KIF5C: variants seen among roughly 807,000 people sequenced by gnomAD.
KIF5C encodes kinesin heavy chain isoform 5C.
Under a neutral mutation model 125.2 loss-of-function variants are expected in KIF5C, and 18 were observed. The ratio of observed to expected loss-of-function variants is 0.14; its 90% CI spans 0.10 to 0.21. The LOEUF (loss-of-function observed/expected upper bound fraction) is 0.21, where lower values mean the gene tolerates loss of function less well. Among genes scored for constraint, KIF5C ranks in the 10% least tolerant of loss-of-function variants. The probability of loss-of-function intolerance (pLI) is 1.00; values close to 1 mark genes in which losing one functional copy is unlikely to be tolerated. For missense variants in KIF5C, 780 were observed against 1,183.8 expected, an observed-to-expected ratio of 0.66 and a Z score of 5.01; for synonymous variants, 405 against 434.0, an observed-to-expected ratio of 0.93 and a Z score of 0.83.
intron 11 of KIF5C, among the ~76,000 whole-genome samples, chr2:148,971,600 T>A (rs1043662075): frequency 2.0e-5 from 3 of 152,234 alleles, no homozygotes; most frequent in Non-Finnish European, 4.4e-5. Context: ...AGTATAGCAG[T>A]CTTGTTGGAA....
At position 149,000,426 on chromosome 2, in the gene KIF5C, G is replaced by A; in HGVS notation, c.2214G>A (p.Leu738=). The change falls in exon 20 of 26, where the codon TTG becomes TTA. Residue 738 remains leucine, a synonymous_variant. Transcript: ENST00000435030. The part of the protein sequence containing the change: ...KQKIIDEIRD[L]NQKLQLEQEK... The stretch of plus-strand genomic sequence containing the variant: ...TGCTTTTTCCTCTCAATTTCAGTTT[G>A]AATCAGAAACTGCAACTGGAACAGG... The A allele has an allele frequency of 6.3e-7, 1 of 1,579,056 alleles. No individual in the cohort carries two copies.
intron 1 of KIF5C, among the ~76,000 whole-genome samples, chr2:148,896,367 G>A (rs2105051413): frequency 6.6e-6 from 1 of 152,304 alleles, no homozygotes; most frequent in African/African-American, 2.4e-5. Flanking sequence ...GGGAGGAGTG[G>A]ACATTATTGG....
Position 148,994,558 on chromosome 2 carries a change from G to T in KIF5C, c.2023+20G>T. 6.4e-7 allele frequency: 1 copy of T among 1,552,222 alleles called. No individual in the cohort carries two copies. Among genetic ancestry groups the T allele is most frequent in the Non-Finnish European group, 8.7e-7 (1 of 1,147,470 alleles). On this transcript the variant is annotated intron_variant, in intron 17 of 25. Coordinates refer to ENST00000435030, the MANE Select transcript of KIF5C (RefSeq NM_004522.3). The stretch of plus-strand genomic sequence containing the variant: ...CCCAGGGTAAATATTTGACTAACGT[G>T]CAGGTGTCAAACACCTGGCCTGAGT...
intron 1 of KIF5C, among the ~76,000 whole-genome samples, chr2:148,882,184 C>A (rs1473062777): frequency 2.0e-5 from 3 of 152,192 alleles, no homozygotes; most frequent in East Asian, 1.9e-4. Flanking sequence ...GTCAGATAGC[C>A]AGGATGAACT....
intron 1 of KIF5C, among the ~76,000 whole-genome samples, chr2:148,908,574 T>A (rs1274449544): frequency 1.3e-5 from 2 of 152,152 alleles, no homozygotes; most frequent in African/African-American, 2.4e-5. Flanking sequence ...CTTGTGCAAG[T>A]CATGTGGCCA....
In KIF5C at chr2:149,023,769, G is replaced by C. The variant is rs945581483; in HGVS notation, c.*699G>C. On this transcript the variant is annotated 3_prime_UTR_variant, in exon 26 of 26. Transcript: ENST00000435030. The stretch of plus-strand genomic sequence containing the variant: ...GCAAAAAGTCATAAAATTCACCTCC[G>C]AGCTGCTTGCTTTTGAACCTGCAGC... The C allele has an allele frequency of 1.3e-5, 2 of 152,128 alleles. No homozygotes were observed. Among genetic ancestry groups the C allele is most frequent in the African/African-American group, 2.4e-5 (1 of 41,434 alleles). The allele number at this position is 152,128 out of a possible 1,614,324, so 9.4% of individuals were successfully genotyped here. A position where few individuals can be genotyped will look rare whatever the true frequency, so the allele number is the denominator to read the frequency against.
At chr2:148,904,825 G>C (rs1681039947) in intron 1 of KIF5C, among the ~76,000 whole-genome samples, 1 of 152,212 alleles carries the variant, frequency 6.6e-6, no homozygotes, top group Admixed American at 6.5e-5. Flanking sequence ...TATCTTTGTA[G>C]TTGATAATTT....
intron 1 of KIF5C, among the ~76,000 whole-genome samples, chr2:148,894,724 G>A (rs935607605): frequency 6.7e-6 from 1 of 148,990 alleles, no homozygotes; most frequent in East Asian, 1.9e-4. Context: ...ATATATATAG[G>A]GTGGGAGGGA....
intron 21 of KIF5C, among the ~76,000 whole-genome samples, chr2:149,002,409 T>A (rs1193852594): frequency 6.6e-6 from 1 of 152,260 alleles, no homozygotes; most frequent in East Asian, 1.9e-4. Context: ...CGCAGTCAGC[T>A]GCTCACTCTC....
chr2:148,997,331 A>G lies in KIF5C; in HGVS notation c.2091A>G (p.Glu697=). 2 of 1,613,988 alleles carry G rather than the reference A, an allele frequency of 1.2e-6. No homozygotes were observed. Among genetic ancestry groups the G allele is most frequent in the South Asian group, 1.1e-5 (1 of 91,070 alleles). ...KEHLTRLQDA[E]EMKKALEQQM... is the part of the protein sequence containing the mutation. ...ATCTGACGCGGTTGCAGGATGCTGA[A>G]GAAATGAAGGTGTGTGTGGCTGCCC... Residue 697 remains glutamate, a synonymous_variant, in exon 18 of 26, where the codon GAA becomes GAG. Coordinates refer to ENST00000435030, the MANE Select transcript of KIF5C (RefSeq NM_004522.3).
chr2:148,901,028 T>C (rs931621438), intron 1 of KIF5C, among the ~76,000 whole-genome samples: 6 of 152,020 alleles, frequency 3.9e-5, no homozygotes, highest in Non-Finnish European at 7.4e-5. Flanking sequence ...GAAATAAAAA[T>C]GGTGGTTGCT....
chr2:148,941,478 A>T, intron 4 of KIF5C, 132 bp from the exon 5 acceptor site: 1 of 1,260,286 alleles, frequency 7.9e-7, no homozygotes, highest in Non-Finnish European at 1.1e-6. Context: ...GCCAGATTTT[A>T]AGTCTTCACT....
chr2:148,892,688 G>C (rs1056531819), intron 1 of KIF5C, among the ~76,000 whole-genome samples: 1 of 152,164 alleles, frequency 6.6e-6, no homozygotes, highest in Non-Finnish European at 1.5e-5. Context: ...TGAATGTTTA[G>C]ATGTACTATT....
At chr2:148,949,702 C>A in intron 8 of KIF5C, 137 bp from the exon 9 acceptor site, 2 of 1,223,958 alleles carry the variant, frequency 1.6e-6, no homozygotes, top group Non-Finnish European at 2.2e-6. Flanking sequence ...GGTTTTTTAT[C>A]ACTGTGGGTC....
chr2:148,878,925 G>T (rs1681270450), intron 1 of KIF5C: 1 of 152,166 alleles, frequency 6.6e-6, no homozygotes, highest in African/African-American at 2.4e-5. Flanking sequence ...TGAAACTGGG[G>T]TCATTTTTTC....
At chr2:148,875,967 G>C (rs1175786838) in intron 1 of KIF5C, among the ~76,000 whole-genome samples, 1 of 151,656 alleles carries the variant, frequency 6.6e-6, no homozygotes, top group Non-Finnish European at 1.5e-5. Context: ...GGTGGCGGGG[G>C]TGGGGATGGG....
intron 25 of KIF5C, among the ~76,000 whole-genome samples, chr2:149,019,588 A>G (rs773035514): frequency 1.3e-5 from 2 of 152,218 alleles, no homozygotes; most frequent in Non-Finnish European, 2.9e-5. Flanking sequence ...TCTCAGAGTC[A>G]TAAATTCAGA....
intron 1 of KIF5C, among the ~76,000 whole-genome samples, chr2:148,891,206 C>T (rs1475362869): frequency 6.6e-6 from 1 of 152,082 alleles, no homozygotes; most frequent in African/African-American, 2.4e-5. Context: ...GAAAACAATC[C>T]TATAAATGGC....
intron 1 of KIF5C, among the ~76,000 whole-genome samples, chr2:148,889,815 T>C (rs528284135): frequency 6.6e-6 from 1 of 152,260 alleles, no homozygotes; most frequent in East Asian, 1.9e-4. Context: ...CATCATCCTC[T>C]GGGCATCACT....
Sources: gnomAD v4.1 joint callset for allele counts (sites outside exome capture counted in the v4.1 genomes callset) on GRCh38, gnomAD v4.1.1 for gene constraint, MANE v1.5 for transcripts, NCBI Gene and HGNC (gene_info 2026-07-23, HGNC 2026-07-21) for gene names.